Variants in ATXN7 observed in about 807,000 individuals in gnomAD.
ATXN7 encodes the protein ataxin 7, also known as ataxin-7.
A neutral mutation model predicts 70.5 loss-of-function variants in ATXN7; 12 were observed. The observed-to-expected ratio is 0.17, with a 90% CI of 0.11 to 0.28. The LOEUF (loss-of-function observed/expected upper bound fraction) is 0.28, where lower values mean the gene tolerates loss of function less well. Among genes scored for constraint, ATXN7 ranks in the 10% least tolerant of loss-of-function variants. The pLI, the probability that ATXN7 is intolerant of heterozygous loss-of-function variation, is 1.00. For missense variants in ATXN7, 1,256 were observed against 1,131.7 expected, an observed-to-expected ratio of 1.11 and a Z score of -1.58; for synonymous variants, 498 against 448.7, an observed-to-expected ratio of 1.11 and a Z score of -1.39.
intron 5 of ATXN7, chr3:63,968,022 C>A: frequency 6.9e-7 from 1 of 1,448,170 alleles, no homozygotes; most frequent in Non-Finnish European, 9.4e-7. Flanking sequence ...GGCTCAGGGC[C>A]CAGCTCTGGA....
chr3:63,967,849 A>C (rs2075251710), intron 5 of ATXN7: 9 of 1,530,956 alleles, frequency 5.9e-6, no homozygotes, highest in Non-Finnish European at 7.9e-6. Flanking sequence ...TGGTGGGCAG[A>C]CCCAAATCAT....
intron 1 of ATXN7, among the ~76,000 whole-genome samples, chr3:63,868,808 A>G (rs966145289): frequency 3.9e-5 from 6 of 152,226 alleles, no homozygotes; most frequent in Non-Finnish European, 5.9e-5. Context: ...CATCACCCCT[A>G]AAAGTGCTTC....
intron 7 of ATXN7, 195 bp from the exon 8 acceptor site, chr3:63,982,744 T>C: frequency 3.3e-6 from 2 of 612,602 alleles, no homozygotes; most frequent in South Asian, 4.1e-5. Flanking sequence ...CTGATGGCAG[T>C]AGTCACCCCC....
At chr3:63,980,261 AG>A in intron 6 of ATXN7, 94 bp downstream of exon 6, 1 of 1,481,902 alleles carries the variant, frequency 6.7e-7, no homozygotes, top group East Asian at 2.3e-5. Flanking sequence ...GTAATATAAA[AG>A]AGAGTCTACT....
At chr3:63,913,035 A>C in intron 3 of ATXN7, 112 bp downstream of exon 3, 6 of 1,290,880 alleles carry the variant, frequency 4.6e-6, no homozygotes, top group Non-Finnish European at 6.4e-6. Flanking sequence ...CAGAGATGCT[A>C]TCGTTTGCTG....
At chr3:63,882,302 A>G (rs1702937351) in intron 1 of ATXN7, among the ~76,000 whole-genome samples, 1 of 151,944 alleles carries the variant, frequency 6.6e-6, no homozygotes, top group Non-Finnish European at 1.5e-5. Context: ...CAACATTTAC[A>G]CAGTGCATGG....
chr3:63,921,394 T>C (rs1002171903), intron 4 of ATXN7, among the ~76,000 whole-genome samples: 9 of 152,248 alleles, frequency 5.9e-5, no homozygotes, highest in Admixed American at 2.6e-4. Context: ...AGAAATAATT[T>C]GGGGACTCCA....
chr3:63,930,770 TC>T (rs1704921684), intron 4 of ATXN7, among the ~76,000 whole-genome samples: 1 of 152,050 alleles, frequency 6.6e-6, no homozygotes, highest in South Asian at 2.1e-4. Context: ...GACCTCATGA[TC>T]CGCCCGCCTT....
At chr3:63,968,177 A>AG (rs1226878510) in intron 5 of ATXN7, among the ~76,000 whole-genome samples, 2 of 152,034 alleles carry the variant, frequency 1.3e-5, no homozygotes, top group Non-Finnish European at 1.5e-5. Flanking sequence ...CAAGTAGTGG[A>AG]GGGAGGGAGC....
intron 1 of ATXN7, among the ~76,000 whole-genome samples, chr3:63,885,678 T>A (rs750141302): frequency 1.3e-5 from 2 of 152,170 alleles, no homozygotes; most frequent in Non-Finnish European, 2.9e-5. Flanking sequence ...AGCCAAGATA[T>A]GGAGTCAATC....
At chr3:63,896,581 T>C (rs534140319) in intron 1 of ATXN7, among the ~76,000 whole-genome samples, 215 of 152,270 alleles carry the variant, frequency 1.4e-3, no homozygotes, top group Non-Finnish European at 2.7e-3. Flanking sequence ...AGTAGTAAAA[T>C]GGAGATCATA....
rs149487969 is a variant in ATXN7, at chr3:63,989,214, A to C, written c.1361+890A>C. ...GGAGCCATCAGAGGAGGCTCCTCAG[A>C]GTGTGGTCAGGACCTGGCCAGAGAT... On this transcript the variant is annotated intron_variant, in intron 9 of 12. Coordinates refer to ENST00000674280, the MANE Select transcript of ATXN7 (RefSeq NM_001377405.1). 1.2e-4 allele frequency among the ~76,000 whole-genome samples: 19 copies of C among 152,312 alleles called. No individual in the cohort carries two copies. The East Asian group carries it at 3.7e-3, about 29-fold the overall frequency.
intron 11 of ATXN7, among the ~76,000 whole-genome samples, chr3:63,991,495 G>GAGAA (rs1449379460): frequency 1.3e-5 from 2 of 152,112 alleles, no homozygotes; most frequent in Non-Finnish European, 2.9e-5. Context: ...AAGGATGGAT[G>GAGAA]AGAAACAGCA....
At position 63,956,211 on chromosome 3, in the gene ATXN7, A is replaced by AT. The variant is rs549023712; in HGVS notation, c.499+3731dup. 2.1e-3 allele frequency among the ~76,000 whole-genome samples: 324 copies of AT among 152,116 alleles called. 2 individuals carry two copies. Among genetic ancestry groups the AT allele is most frequent in the African/African-American group, 7.2e-3 (300 of 41,506 alleles). On this transcript the variant is annotated intron_variant, in intron 5 of 12. Coordinates refer to ENST00000674280, the MANE Select transcript of ATXN7 (RefSeq NM_001377405.1). ...TTTAAAATACTCCAGTGTGCCTCAT[A>AT]TTTCTCTTCAGTTACTTAGTATTTT...
intron 4 of ATXN7, among the ~76,000 whole-genome samples, chr3:63,934,118 G>T (rs764234811): frequency 3.9e-5 from 6 of 152,126 alleles, no homozygotes; most frequent in Non-Finnish European, 8.8e-5. Flanking sequence ...CACTGTATTC[G>T]TATTGAGAAG....
intron 5 of ATXN7, among the ~76,000 whole-genome samples, chr3:63,974,814 TAAG>T (rs1332733465): frequency 3.9e-5 from 6 of 152,132 alleles, no homozygotes; most frequent in Non-Finnish European, 8.8e-5. Context: ...TAATAAGTTA[TAAG>T]AAAAGAGCCC....
chr3:63,999,158 TA>T (rs1348566130), intron 12 of ATXN7: 2 of 337,174 alleles, frequency 5.9e-6, no homozygotes, highest in Non-Finnish European at 1.1e-5. Context: ...AATCAGTAAA[TA>T]AAACCAAAAG....
chr3:63,940,708 A>G (rs1273147497), intron 4 of ATXN7, among the ~76,000 whole-genome samples: 1 of 152,176 alleles, frequency 6.6e-6, no homozygotes, highest in African/African-American at 2.4e-5. Context: ...ATCATTTTCA[A>G]ATGTAGAAAC....
chr3:63,999,187 T>G, intron 12 of ATXN7: 1 of 413,366 alleles, frequency 2.4e-6, no homozygotes, highest in Non-Finnish European at 4.4e-6. Context: ...TAAGAGCCTT[T>G]TCTCTAAGTT....
Sources: gnomAD v4.1 joint callset for allele counts (sites outside exome capture counted in the v4.1 genomes callset) on GRCh38, gnomAD v4.1.1 for gene constraint, MANE v1.5 for transcripts, NCBI Gene and HGNC (gene_info 2026-07-23, HGNC 2026-07-21) for gene names.